The following SV2C variants were observed in gnomAD, a reference collection of about 807,000 sequenced individuals.
The protein encoded by SV2C is solute carrier family 22 member B3.
SV2C carries 49 observed loss-of-function variants against 79.7 expected under a neutral mutation model. The ratio of observed to expected loss-of-function variants is 0.61; its 90% CI spans 0.49 to 0.78. The LOEUF (loss-of-function observed/expected upper bound fraction) is 0.78, where lower values mean the gene tolerates loss of function less well. Among genes scored for constraint, SV2C ranks in the 30% least tolerant of loss-of-function variants. SV2C has a pLI of 0.00. For synonymous variants in SV2C, 334 were observed against 333.2 expected (o/e 1.00, Z -0.03); for missense variants, 833 against 912.9 (o/e 0.91, Z 1.13).
downstream of SV2C, among the ~76,000 whole-genome samples, chr5:76,335,440 T>A (rs937906914): frequency 1.7e-4 from 21 of 126,242 alleles, no homozygotes; most frequent in South Asian, 5.3e-4. Flanking sequence ...TTTTTTTTTT[T>A]ATTGATCATT....
At chr5:75,866,167 G>A in the SV2C span, among the ~76,000 whole-genome samples, 3 of 152,026 alleles carry the variant, frequency 2.0e-5, no homozygotes, top group South Asian at 2.1e-4. Context: ...TTCGTAACAC[G>A]TTTACTTCAA....
intron 4 of SV2C, among the ~76,000 whole-genome samples, chr5:76,262,362 T>C (rs1483916914): frequency 6.6e-6 from 1 of 152,182 alleles, no homozygotes; most frequent in Non-Finnish European, 1.5e-5. Flanking sequence ...AGCGTATATA[T>C]TTTATTAATC....
chr5:76,012,129 C>T, the SV2C span, among the ~76,000 whole-genome samples: 52 of 152,176 alleles, frequency 3.4e-4, no homozygotes, highest in East Asian at 4.1e-3. Context: ...TATCCAGTAA[C>T]GGGATTGCTG....
At chr5:75,884,907 T>C in the SV2C span, among the ~76,000 whole-genome samples, 2 of 151,990 alleles carry the variant, frequency 1.3e-5, no homozygotes, top group Admixed American at 1.3e-4. Context: ...ATCTTCAGAG[T>C]ATAATTAATA....
downstream of SV2C, among the ~76,000 whole-genome samples, chr5:76,337,945 C>T (rs1749359248): frequency 6.6e-6 from 1 of 152,210 alleles, no homozygotes. Flanking sequence ...CCAGGGGAAG[C>T]TTCCTCCAAG....
At chr5:76,316,639 C>G (rs921673865) in intron 12 of SV2C, among the ~76,000 whole-genome samples, 1 of 151,978 alleles carries the variant, frequency 6.6e-6, no homozygotes, top group Non-Finnish European at 1.5e-5. Context: ...CCTCAAGAAG[C>G]CTTTAGGGGT....
chr5:76,238,027 T>TACACAC (rs796926428), intron 4 of SV2C, among the ~76,000 whole-genome samples: 5,240 of 122,716 alleles, frequency 0.043, 145 homozygotes, highest in Non-Finnish European at 0.049. Flanking sequence ...CAATCACACA[T>TACACAC]ACACACACAC....
At chr5:76,185,694 T>C (rs1743893230) in intron 2 of SV2C, among the ~76,000 whole-genome samples, 1 of 152,216 alleles carries the variant, frequency 6.6e-6, no homozygotes, top group South Asian at 2.1e-4. Flanking sequence ...CAAGGCTGCA[T>C]AGCAGCCGGT....
chr5:75,898,573 C>T, the SV2C span, among the ~76,000 whole-genome samples: 1 of 152,164 alleles, frequency 6.6e-6, no homozygotes, highest in Admixed American at 6.5e-5. Context: ...CAGGATGATG[C>T]TGGCCTCATA....
At chr5:76,022,363 T>G in the SV2C span, among the ~76,000 whole-genome samples, 3 of 152,218 alleles carry the variant, frequency 2.0e-5, no homozygotes, top group African/African-American at 7.2e-5. Context: ...GCTCCGTATT[T>G]TCTTTTCCCC....
At chr5:75,911,613 G>A in the SV2C span, 1 of 700,090 alleles carries the variant, frequency 1.4e-6, no homozygotes, top group Non-Finnish European at 2.7e-6. Flanking sequence ...GAACTCCTGA[G>A]GTCAAAGAAA....
the SV2C span, among the ~76,000 whole-genome samples, chr5:75,926,334 A>G: frequency 2.6e-5 from 4 of 152,218 alleles, no homozygotes; most frequent in African/African-American, 9.6e-5. Context: ...ATCAAATATA[A>G]TAAAACATTT....
intron 4 of SV2C, among the ~76,000 whole-genome samples, chr5:76,272,477 C>A (rs61517361): frequency 6.6e-6 from 1 of 152,128 alleles, no homozygotes; most frequent in Non-Finnish European, 1.5e-5. Context: ...TGGGTTTTTA[C>A]GGACAGCTAC....
chr5:76,004,250 A>G, the SV2C span, among the ~76,000 whole-genome samples: 1 of 152,210 alleles, frequency 6.6e-6, no homozygotes, highest in Non-Finnish European at 1.5e-5. Flanking sequence ...TTTCTTAACA[A>G]CATACACTAC....
At chr5:76,123,253 A>T (rs1748591193) in intron 1 of SV2C, among the ~76,000 whole-genome samples, 1 of 152,212 alleles carries the variant, frequency 6.6e-6, no homozygotes, top group African/African-American at 2.4e-5. Flanking sequence ...CCAACCAAAA[A>T]GAGTCCAGGA....
the SV2C span, among the ~76,000 whole-genome samples, chr5:76,056,799 G>T: frequency 4.0e-5 from 6 of 151,750 alleles, no homozygotes; most frequent in Non-Finnish European, 8.8e-5. Context: ...TTGAATAGAG[G>T]TGTTTATAAT....
At chr5:76,251,030 A>G (rs2112438962) in intron 4 of SV2C, among the ~76,000 whole-genome samples, 1 of 152,306 alleles carries the variant, frequency 6.6e-6, no homozygotes, top group East Asian at 1.9e-4. Context: ...TTACCACAGC[A>G]TGTGCATCAG....
intron 1 of SV2C, among the ~76,000 whole-genome samples, chr5:76,120,086 A>T (rs971375028): frequency 6.6e-6 from 1 of 152,164 alleles, no homozygotes; most frequent in Non-Finnish European, 1.5e-5. Flanking sequence ...TCCTTATACA[A>T]TGTATACATG....
At chr5:75,853,474 T>C in the SV2C span, among the ~76,000 whole-genome samples, 3 of 144,850 alleles carry the variant, frequency 2.1e-5, no homozygotes, top group Non-Finnish European at 4.5e-5. Context: ...GAGAATGGTG[T>C]GAACCTGGGA....
Sources: allele counts gnomAD v4.1 joint callset (sites outside exome capture counted in the v4.1 genomes callset), GRCh38; gene constraint gnomAD v4.1.1; transcripts MANE v1.5; gene names NCBI Gene and HGNC (gene_info 2026-07-23, HGNC 2026-07-21).